The following TMEFF2 variants were observed in gnomAD, a reference collection of about 807,000 sequenced individuals.
TMEFF2 encodes transmembrane protein with EGF like and two follistatin like domains 2.
TMEFF2 carries 28 observed loss-of-function variants against 53.8 expected under a neutral mutation model. That is an observed-to-expected ratio of 0.52 (90% CI 0.39 to 0.71). The LOEUF is 0.71. Among genes scored for constraint, TMEFF2 ranks in the 30% least tolerant of loss-of-function variants. The pLI, the probability that TMEFF2 is intolerant of heterozygous loss-of-function variation, is 0.00. For missense variants in TMEFF2, 353 were observed against 455.2 expected (o/e 0.78, Z 2.04); for synonymous variants, 162 against 166.3 (o/e 0.97, Z 0.20).
intron 4 of TMEFF2, among the ~76,000 whole-genome samples, chr2:192,144,265 T>C (rs755357869): frequency 1.3e-5 from 2 of 152,092 alleles, no homozygotes; most frequent in Non-Finnish European, 2.9e-5. Context: ...TACCTCCTTT[T>C]TCTTTATTTT....
chr2:192,070,366 T>C (rs1688268024), intron 4 of TMEFF2, among the ~76,000 whole-genome samples: 1 of 151,802 alleles, frequency 6.6e-6, no homozygotes, highest in African/African-American at 2.4e-5. Flanking sequence ...GTTCATATAA[T>C]TTAAGATTAT....
chr2:192,116,889 C>A (rs1031347848), intron 4 of TMEFF2, among the ~76,000 whole-genome samples: 1 of 152,018 alleles, frequency 6.6e-6, no homozygotes, highest in African/African-American at 2.4e-5. Context: ...AGTTTGTAAA[C>A]CTTTTAAGCA....
In TMEFF2 at chr2:191,950,333, CTTG is replaced by C; in HGVS notation, c.1100_1102del (p.Thr367del). On this transcript the variant is annotated inframe_deletion, in exon 10 of 10. Coordinates refer to ENST00000272771, the MANE Select transcript of TMEFF2 (RefSeq NM_016192.4). ...CCTTTAGATTAACCTCGTGGACGCT[CTTG>C]TTGTATTGTCTGAACTGTAGTGCCC... The C allele has an allele frequency of 6.2e-7, 1 of 1,613,282 alleles. No individual in the cohort carries two copies. The highest frequency in any genetic ancestry group is 1.1e-5 in the South Asian group (1 of 91,020).
At chr2:192,129,526 C>A (rs1191614839) in intron 4 of TMEFF2, among the ~76,000 whole-genome samples, 1 of 152,128 alleles carries the variant, frequency 6.6e-6, no homozygotes, top group African/African-American at 2.4e-5. Flanking sequence ...TGCAGTGGAA[C>A]AAGAGTTTGA....
At chr2:191,960,503 T>G (rs556708428) in intron 7 of TMEFF2, among the ~76,000 whole-genome samples, 1 of 152,234 alleles carries the variant, frequency 6.6e-6, no homozygotes, top group African/African-American at 2.4e-5. Flanking sequence ...AATTCTGAAG[T>G]TTTTTAAGGT....
intron 4 of TMEFF2, among the ~76,000 whole-genome samples, chr2:192,148,638 TC>T (rs1483085799): frequency 6.6e-6 from 1 of 152,026 alleles, no homozygotes; most frequent in Non-Finnish European, 1.5e-5. Context: ...TCTGAGGAAG[TC>T]CAAGTGGCCA....
At chr2:192,173,786 T>A (rs1690972127) in intron 4 of TMEFF2, among the ~76,000 whole-genome samples, 1 of 151,802 alleles carries the variant, frequency 6.6e-6, no homozygotes, top group African/African-American at 2.4e-5. Context: ...GAAACTGTAT[T>A]GGATTCTTAG....
intron 9 of TMEFF2, among the ~76,000 whole-genome samples, chr2:191,952,837 C>T (rs13014492): frequency 0.24 from 36,213 of 152,150 alleles, 4,640 homozygotes; most frequent in Non-Finnish European, 0.3. Context: ...TGGAGAGCTG[C>T]ACAAATGAAG....
chr2:192,064,087 C>A (rs1688112201), intron 4 of TMEFF2, among the ~76,000 whole-genome samples: 1 of 151,570 alleles, frequency 6.6e-6, no homozygotes, highest in Non-Finnish European at 1.5e-5. Flanking sequence ...CATATTTGAC[C>A]AATCTTTTGT....
At chr2:192,147,497 C>T (rs1008636426) in intron 4 of TMEFF2, among the ~76,000 whole-genome samples, 1 of 151,440 alleles carries the variant, frequency 6.6e-6, no homozygotes, top group South Asian at 2.1e-4. Flanking sequence ...CACCCCACAA[C>T]AGGCCCCGGT....
At chr2:192,036,816 C>T (rs938730461) in intron 5 of TMEFF2, 1 of 152,174 alleles carries the variant, frequency 6.6e-6, no homozygotes. Flanking sequence ...CTGGCTCTCG[C>T]TATTTGACTA....
At chr2:192,055,058 AAAG>A (rs1278424478) in intron 5 of TMEFF2, among the ~76,000 whole-genome samples, 42 of 152,198 alleles carry the variant, frequency 2.8e-4, no homozygotes, top group South Asian at 4.1e-4. Flanking sequence ...TTCTTAAAAA[AAAG>A]AGACTCATGT....
At position 191,992,690 on chromosome 2, in the gene TMEFF2, T is replaced by C. The variant is rs578236650; in HGVS notation, c.745+5572A>G. On this transcript the variant is annotated intron_variant, in intron 7 of 9. Transcript: ENST00000272771. ...CTGTTTATTTTTATTTTTTTATTAA[T>C]GCAGGATTACTCAGTAGCAAACACT... The C allele has an allele frequency of 2.6e-5, 4 of 152,218 alleles. No homozygotes were observed. In the East Asian group the frequency reaches 7.7e-4, roughly 29 times the overall value. The allele number at this position is 152,218 out of a possible 1,614,324, so 9.4% of individuals were successfully genotyped here. A position where few individuals can be genotyped will look rare whatever the true frequency, so the allele number is the denominator to read the frequency against.
chr2:192,148,140 C>A (rs921691163), intron 4 of TMEFF2, among the ~76,000 whole-genome samples: 2 of 151,980 alleles, frequency 1.3e-5, no homozygotes, highest in African/African-American at 4.8e-5. Context: ...ATTTCAAGGA[C>A]AAGCTCCACT....
chr2:192,095,166 A>T (rs907398309), intron 4 of TMEFF2, among the ~76,000 whole-genome samples: 2 of 152,140 alleles, frequency 1.3e-5, no homozygotes, highest in African/African-American at 4.8e-5. Flanking sequence ...TGTAGACTGC[A>T]GAGTCCTATT....
intron 4 of TMEFF2, among the ~76,000 whole-genome samples, chr2:192,163,559 T>A (rs1459495783): frequency 6.6e-6 from 1 of 152,206 alleles, no homozygotes. Context: ...TTGTATAAAT[T>A]TTAAAAGGTA....
At chr2:191,954,406 T>C (rs1214959625) in intron 8 of TMEFF2, among the ~76,000 whole-genome samples, 1 of 152,254 alleles carries the variant, frequency 6.6e-6, no homozygotes, top group Admixed American at 6.5e-5. Context: ...AATTTGTTTT[T>C]GGTGACAATA....
intron 5 of TMEFF2, among the ~76,000 whole-genome samples, chr2:192,037,273 TAAAGAAAGAAAGAAAGAAAGAAA>T (rs1227510651): frequency 1.1e-5 from 1 of 94,736 alleles, no homozygotes; most frequent in Non-Finnish European, 2.0e-5. Context: ...CTAGCCAAAA[TAAAGAAAGAAAGAAAGAAAGAAA>T]GAAAGAAAGA....
intron 5 of TMEFF2, among the ~76,000 whole-genome samples, chr2:192,000,870 C>T (rs1023254271): frequency 6.6e-6 from 1 of 152,188 alleles, no homozygotes; most frequent in Non-Finnish European, 1.5e-5. Context: ...CATCTCTAAA[C>T]ACTTAACTCA....
Sources: gnomAD v4.1 joint callset for allele counts (sites outside exome capture counted in the v4.1 genomes callset) on GRCh38, gnomAD v4.1.1 for gene constraint, MANE v1.5 for transcripts, NCBI Gene and HGNC (gene_info 2026-07-23, HGNC 2026-07-21) for gene names.